The following NKAIN3 variants were observed in gnomAD, a reference collection of about 807,000 sequenced individuals.
NKAIN3 encodes the protein sodium/potassium-transporting ATPase subunit beta-1-interacting protein 3.
A neutral mutation model predicts 30.2 loss-of-function variants in NKAIN3; 25 were observed. That is an observed-to-expected ratio of 0.83 (90% confidence interval 0.60 to 1.16). The LOEUF is 1.16. Among genes scored for constraint, NKAIN3 ranks in the 50% most tolerant of loss-of-function variants. The pLI is 0.00. For synonymous variants in NKAIN3, 91 were observed against 89.6 expected, an observed-to-expected ratio of 1.02 and a Z score of -0.09; for missense variants, 225 against 254.1, an observed-to-expected ratio of 0.89 and a Z score of 0.78.
At chr8:62,787,118 A>C (rs1422065828) in intron 4 of NKAIN3, among the ~76,000 whole-genome samples, 2 of 152,202 alleles carry the variant, frequency 1.3e-5, no homozygotes, top group African/African-American at 4.8e-5. Flanking sequence ...TGTACATTAC[A>C]TAATTTTAAT....
intron 3 of NKAIN3, among the ~76,000 whole-genome samples, chr8:62,629,789 CA>C (rs1811899562): frequency 6.6e-6 from 1 of 152,054 alleles, no homozygotes; most frequent in South Asian, 2.1e-4. Flanking sequence ...ATACTAATCA[CA>C]GTATTTTCAA....
intron 3 of NKAIN3, among the ~76,000 whole-genome samples, chr8:62,648,920 G>A (rs769840304): frequency 2.0e-5 from 3 of 152,110 alleles, no homozygotes; most frequent in Non-Finnish European, 4.4e-5. Context: ...TTGGGAGATG[G>A]AGCAATGGCA....
At position 62,589,634 on chromosome 8, in the gene NKAIN3, T is replaced by C. The variant is rs1472562236; in HGVS notation, c.193-80T>C. 3 of 617,616 alleles carry C rather than the reference T, an allele frequency of 4.9e-6. No homozygotes were observed. In the African/African-American group the frequency reaches 5.7e-5, roughly 12 times the overall value. The allele number at this position is 617,616 out of a possible 1,614,324, so 38.3% of individuals were successfully genotyped here. On this transcript the variant is annotated intron_variant, in intron 2 of 6. Transcript: ENST00000623646. ...CCCAGAAGACAGACTTATTGACATTTTTATTATTGATTTATTTGATATACA... is the reference window on the plus strand; with the variant it reads ...CCCAGAAGACAGACTTATTGACATTCTTATTATTGATTTATTTGATATACA...
At chr8:62,612,501 A>T (rs374520662) in intron 3 of NKAIN3, among the ~76,000 whole-genome samples, 2 of 146,672 alleles carry the variant, frequency 1.4e-5, no homozygotes, top group African/African-American at 5.0e-5. Context: ...TTTATAGGTG[A>T]TGTGTGTTTC....
intron 1 of NKAIN3, among the ~76,000 whole-genome samples, chr8:62,290,039 T>C (rs1813533749): frequency 1.3e-5 from 2 of 152,174 alleles, no homozygotes; most frequent in African/African-American, 4.8e-5. Flanking sequence ...TTTGGCTCTC[T>C]GTTTGTCTGT....
intron 4 of NKAIN3, among the ~76,000 whole-genome samples, chr8:62,900,615 A>G (rs775571771): frequency 2.0e-5 from 3 of 152,250 alleles, no homozygotes; most frequent in Non-Finnish European, 4.4e-5. Flanking sequence ...AGAAGGACTT[A>G]GTGAATTAAT....
At chr8:62,865,978 G>A (rs1236155809) in intron 4 of NKAIN3, among the ~76,000 whole-genome samples, 6 of 152,108 alleles carry the variant, frequency 3.9e-5, no homozygotes, top group Non-Finnish European at 8.8e-5. Flanking sequence ...AAGTGGCTCC[G>A]GGTTGTAAGA....
intron 1 of NKAIN3, among the ~76,000 whole-genome samples, chr8:62,437,717 G>GA (rs566080231): frequency 1.3e-5 from 2 of 151,642 alleles, no homozygotes; most frequent in Non-Finnish European, 2.9e-5. Context: ...ATTTACAAAT[G>GA]AAAAAAAATC....
Position 62,643,327 on chromosome 8 carries a change from C to T in NKAIN3, c.273+53533C>T, listed in dbSNP as rs56095987. ...CTTAAAGAGGTGAAGAGTAACTTGT[C>T]CAGGAGTGATTTTCTGCAGGCTGGC... On this transcript the variant is annotated intron_variant, in intron 3 of 6. Coordinates refer to ENST00000623646, the MANE Select transcript of NKAIN3 (RefSeq NM_001304533.3). 6.8e-3 allele frequency among the ~76,000 whole-genome samples: 1,034 copies of T among 152,136 alleles called. 6 individuals carry two copies. Among genetic ancestry groups the T allele is most frequent in the African/African-American group, 0.023 (969 of 41,514 alleles).
chr8:62,693,474 T>C (rs974644382), intron 3 of NKAIN3, among the ~76,000 whole-genome samples: 5 of 152,206 alleles, frequency 3.3e-5, no homozygotes, highest in African/African-American at 1.2e-4. Context: ...CCATGGTCAG[T>C]GCAAAGGCTT....
At chr8:62,544,405 T>G (rs1350763569) in intron 1 of NKAIN3, among the ~76,000 whole-genome samples, 1 of 152,190 alleles carries the variant, frequency 6.6e-6, no homozygotes, top group Non-Finnish European at 1.5e-5. Flanking sequence ...CAATAATACA[T>G]GTTTACTATA....
intron 1 of NKAIN3, among the ~76,000 whole-genome samples, chr8:62,349,656 A>G (rs1054553214): frequency 6.6e-6 from 1 of 152,182 alleles, no homozygotes; most frequent in Admixed American, 6.6e-5. Context: ...GTCGGGGTCC[A>G]TCTGGAAAGA....
intron 1 of NKAIN3, among the ~76,000 whole-genome samples, chr8:62,507,257 T>C (rs1232522349): frequency 1.3e-5 from 2 of 152,220 alleles, no homozygotes; most frequent in Admixed American, 6.5e-5. Context: ...CAGTCTGGAA[T>C]GTGAACAAAG....
In NKAIN3 at chr8:62,965,368, T is replaced by C. The variant is rs767206795; in HGVS notation, c.618T>C (p.Asn206=). 2.0e-4 allele frequency: 197 copies of C among 985,596 alleles called. No homozygotes were observed. The highest frequency in any genetic ancestry group is 2.3e-4 in the Non-Finnish European group (195 of 829,888). The allele number at this position is 985,596 out of a possible 1,614,324, so 61.1% of individuals were successfully genotyped here. The change falls in exon 7 of 7, where the codon AAT becomes AAC. Residue 206 remains asparagine, a synonymous_variant. Coordinates refer to ENST00000623646, the MANE Select transcript of NKAIN3 (RefSeq NM_001304533.3). The stretch of plus-strand genomic sequence containing the variant: ...TTCTGTTTTAGGTCGAAATAAGTAA[T>C]GACATTGAACCAGAAATGCGGCTGC... ...LKPVKPVEIS[N]DIEPEMRLLN...
At chr8:62,485,253 C>G (rs1339364847) in intron 1 of NKAIN3, among the ~76,000 whole-genome samples, 1 of 152,064 alleles carries the variant, frequency 6.6e-6, no homozygotes, top group Non-Finnish European at 1.5e-5. Flanking sequence ...ATCCATGGGT[C>G]AACTGTGAGG....
intron 4 of NKAIN3, among the ~76,000 whole-genome samples, chr8:62,778,478 A>G (rs1160468364): frequency 6.6e-6 from 1 of 151,958 alleles, no homozygotes; most frequent in Non-Finnish European, 1.5e-5. Context: ...AACTCTTCCC[A>G]CAGTCACCAC....
intron 4 of NKAIN3, among the ~76,000 whole-genome samples, chr8:62,770,491 T>C (rs1816976907): frequency 6.6e-6 from 1 of 152,172 alleles, no homozygotes; most frequent in Non-Finnish European, 1.5e-5. Context: ...ACTTCCTAAA[T>C]TGCAGATGAT....
intron 1 of NKAIN3, among the ~76,000 whole-genome samples, chr8:62,548,467 G>A (rs1370633800): frequency 6.6e-6 from 1 of 152,094 alleles, no homozygotes; most frequent in Non-Finnish European, 1.5e-5. Flanking sequence ...GGCTCCCCCT[G>A]TGTCGGGGGT....
chr8:62,500,489 A>AGGG, intron 1 of NKAIN3, among the ~76,000 whole-genome samples: 1 of 124,658 alleles, frequency 8.0e-6, no homozygotes, highest in East Asian at 2.4e-4. Context: ...AAGAAAGAAG[A>AGGG]AAAGAAAGAA....
Sources: allele counts gnomAD v4.1 joint callset (sites outside exome capture counted in the v4.1 genomes callset), GRCh38; gene constraint gnomAD v4.1.1; transcripts MANE v1.5; gene names NCBI Gene and HGNC (gene_info 2026-07-23, HGNC 2026-07-21).